PGBD5: variants seen among roughly 807,000 people sequenced by gnomAD.
PGBD5 encodes the protein piggyBac transposable element-derived protein 5.
A neutral mutation model predicts 47.9 loss-of-function variants in PGBD5; 14 were observed. That is an observed-to-expected ratio of 0.29 (90% CI 0.19 to 0.46). PGBD5 has a LOEUF of 0.46. PGBD5 is among the 20% of genes least tolerant of loss of function. PGBD5 has a pLI of 1.00. For missense variants in PGBD5, 635 were observed against 716.0 expected (o/e 0.89, Z 1.29); for synonymous variants, 316 against 306.3 (o/e 1.03, Z -0.33).
At chr1:230,349,828 G>T (rs1411795014) in intron 3 of PGBD5, among the ~76,000 whole-genome samples, 2 of 152,174 alleles carry the variant, frequency 1.3e-5, no homozygotes, top group African/African-American at 4.8e-5. Context: ...TTCTGCTCTG[G>T]GATAGGTCCA....
chr1:230,323,472 G>T lies in PGBD5; in HGVS notation c.1528C>A (p.Leu510Ile). 2 of 1,614,192 alleles carry T rather than the reference G, an allele frequency of 1.2e-6. No individual in the cohort carries two copies. Among genetic ancestry groups the T allele is most frequent in the Non-Finnish European group, 1.7e-6 (2 of 1,180,036 alleles). ...TCCAAGCCCAGCAGCTCTCTGACGA[G>T]TCTCTCTCCAAACTGCGCCCGGCTG... ...RYSRAQFGER[L>I]VRELLGLEDA... Residue 510 changes from leucine (L) to isoleucine (I), a missense_variant, in exon 7 of 7, where the codon CTC becomes ATC. Leu to Ile is a conservative substitution (Grantham distance 5). Transcript: ENST00000391860. This position sits in a 1 kb window ranked among gnomAD's most constrained non-coding sequence, Gnocchi z 4.1.
intron 3 of PGBD5, among the ~76,000 whole-genome samples, 188 bp downstream of exon 3, chr1:230,350,770 G>GC (rs1383476242): frequency 6.6e-6 from 1 of 152,250 alleles, no homozygotes; most frequent in Admixed American, 6.5e-5. Context: ...TCCAGGGCTG[G>GC]CTACCCGCTG....
chr1:230,374,568 G>T (rs1381101258), intron 1 of PGBD5, among the ~76,000 whole-genome samples: 1 of 152,200 alleles, frequency 6.6e-6, no homozygotes, highest in Non-Finnish European at 1.5e-5. Flanking sequence ...CCTTCCTGTG[G>T]TAGGATTATA....
intron 1 of PGBD5, among the ~76,000 whole-genome samples, chr1:230,406,142 A>G (rs2102745456): frequency 6.6e-6 from 1 of 152,008 alleles, no homozygotes; most frequent in African/African-American, 2.4e-5. Flanking sequence ...CCCCATCTCT[A>G]CTAAAAATAC....
chr1:230,354,216 C>T (rs963453185), intron 2 of PGBD5, among the ~76,000 whole-genome samples: 10 of 152,324 alleles, frequency 6.6e-5, no homozygotes, highest in Non-Finnish European at 1.0e-4. Context: ...CCTACTGACA[C>T]GGAGCTGGTG....
At chr1:230,422,447 G>A (rs1424242775) in intron 1 of PGBD5, among the ~76,000 whole-genome samples, 2 of 151,896 alleles carry the variant, frequency 1.3e-5, no homozygotes, top group East Asian at 1.9e-4. Flanking sequence ...TATTTTGGGG[G>A]GATATATGCT....
intron 5 of PGBD5, among the ~76,000 whole-genome samples, chr1:230,328,083 C>T (rs556435660): frequency 9.9e-5 from 15 of 152,096 alleles, no homozygotes; most frequent in Non-Finnish European, 1.8e-4. Flanking sequence ...TTAGTGTCTC[C>T]GGTGAGTCAT....
At chr1:230,392,044 G>A (rs937146924) in intron 1 of PGBD5, among the ~76,000 whole-genome samples, 9 of 152,220 alleles carry the variant, frequency 5.9e-5, no homozygotes, top group Non-Finnish European at 1.0e-4. Context: ...AGGCTGGACC[G>A]AGGCTTACTA....
chr1:230,367,840 G>A (rs760225302), intron 1 of PGBD5: 423 of 112,552 alleles, frequency 3.8e-3, no homozygotes, highest in Non-Finnish European at 6.2e-3. Context: ...GCATTCTCGC[G>A]TCCAATTTCA....
intron 1 of PGBD5, among the ~76,000 whole-genome samples, chr1:230,390,303 T>A (rs1656753353): frequency 6.6e-6 from 1 of 152,136 alleles, no homozygotes; most frequent in South Asian, 2.1e-4. Context: ...CCTTTGGGTC[T>A]ACACAGCCTT....
In PGBD5 at chr1:230,425,291, C is replaced by G. The variant is rs1162262130; in HGVS notation, c.331+307G>C. Among the ~76,000 whole-genome samples, 1 of 152,218 alleles carries G rather than the reference C, an allele frequency of 6.6e-6. No individual in the cohort carries two copies. On this transcript the variant is annotated intron_variant, in intron 1 of 6. Transcript: ENST00000391860. The surrounding 1 kb of genome is among the most constrained non-coding windows in gnomAD (Gnocchi z 4.7). The stretch of plus-strand genomic sequence containing the variant: ...CTTCAATCCACCCCTAAAAGTCCGA[C>G]CCACAGGTGTGACAGACTTCCCATG...
chr1:230,364,795 T>C lies in PGBD5; in HGVS notation c.332-7474A>G, dbSNP rs532483328. 6.6e-5 allele frequency among the ~76,000 whole-genome samples: 10 copies of C among 152,244 alleles called. No individual in the cohort carries two copies. In the South Asian group the frequency reaches 2.1e-3, roughly 32 times the overall value. ...CAGCACGTTGGGAGGCCAAGGTGGATGGATCACCTGAGGTCAGGAGTTCGA... is the reference window on the plus strand; with the variant it reads ...CAGCACGTTGGGAGGCCAAGGTGGACGGATCACCTGAGGTCAGGAGTTCGA... On this transcript the variant is annotated intron_variant, in intron 1 of 6. Transcript: ENST00000391860.
rs1308967240 is a variant in PGBD5 at position 230,357,047 on chromosome 1, G to A, written c.606C>T (p.Val202=). ...GFYSNRSLAL[V]MSQARFEKIL... is the part of the protein sequence containing the mutation. ...TCTTCTCGAAGCGGGCCTGGCTCAT[G>A]ACGAGGGCGAGGCTGCGGTTGCTGT... is the stretch of plus-strand genomic sequence containing the variant. The change falls in exon 2 of 7, where the codon GTC becomes GTT. Residue 202 remains valine, a synonymous_variant. Coordinates refer to ENST00000391860, the MANE Select transcript of PGBD5 (RefSeq NM_001258311.2). This position sits in a 1 kb window ranked among gnomAD's most constrained non-coding sequence, Gnocchi z 5.7. 2 of 1,614,066 alleles carry A rather than the reference G, an allele frequency of 1.2e-6. No individual in the cohort carries two copies. Among genetic ancestry groups the A allele is most frequent in the African/African-American group, 1.3e-5 (1 of 74,912 alleles).
chr1:230,401,174 G>C (rs536567881), intron 1 of PGBD5, among the ~76,000 whole-genome samples: 23 of 152,222 alleles, frequency 1.5e-4, no homozygotes, highest in Admixed American at 1.5e-3. Flanking sequence ...GGAGAGCTGC[G>C]TGGTGGGAGT....
At chr1:230,359,843 G>A (rs756150861) in intron 1 of PGBD5, among the ~76,000 whole-genome samples, 2 of 152,196 alleles carry the variant, frequency 1.3e-5, no homozygotes, top group Non-Finnish European at 2.9e-5. Context: ...AGCAACAGTA[G>A]CCTGGAGGGT....
intron 4 of PGBD5, among the ~76,000 whole-genome samples, chr1:230,335,932 C>G (rs1208473592): frequency 1.3e-5 from 2 of 151,670 alleles, no homozygotes; most frequent in Admixed American, 1.3e-4. Context: ...CACAGACACA[C>G]ACAGACACAC....
intron 3 of PGBD5, among the ~76,000 whole-genome samples, chr1:230,342,798 T>G (rs953429406): frequency 6.6e-6 from 1 of 152,228 alleles, no homozygotes; most frequent in African/African-American, 2.4e-5. Flanking sequence ...TTTTTTAATA[T>G]AGCAAAGCTC....
At chr1:230,370,080 C>G (rs1667905209) in intron 1 of PGBD5, among the ~76,000 whole-genome samples, 1 of 152,190 alleles carries the variant, frequency 6.6e-6, no homozygotes, top group African/African-American at 2.4e-5. Context: ...GGAGCCTCTG[C>G]AGATGCAGAA....
intron 2 of PGBD5, among the ~76,000 whole-genome samples, chr1:230,352,545 G>T (rs1033538432): frequency 6.6e-6 from 1 of 152,106 alleles, no homozygotes; most frequent in South Asian, 2.1e-4. Context: ...TTCAATTTTC[G>T]AAAAGTGACA....
Sources: allele counts gnomAD v4.1 joint callset (sites outside exome capture counted in the v4.1 genomes callset), GRCh38; gene constraint gnomAD v4.1.1; non-coding constraint Gnocchi (gnomAD v3.1); transcripts MANE v1.5; gene names NCBI Gene and HGNC (gene_info 2026-07-23, HGNC 2026-07-21).